The following BFSP2 variants were observed in gnomAD, a reference collection of about 807,000 sequenced individuals.
BFSP2 encodes the protein phakinin.
BFSP2 carries 38 observed loss-of-function variants against 44.9 expected under a neutral mutation model. The ratio of observed to expected loss-of-function variants is 0.85; its 90% CI spans 0.65 to 1.11. The LOEUF (loss-of-function observed/expected upper bound fraction) is 1.11, where lower values mean the gene tolerates loss of function less well. BFSP2 is among the 50% of genes least tolerant of loss of function. The pLI is 0.00. For synonymous variants in BFSP2, 197 were observed against 209.9 expected (o/e 0.94, Z 0.53); for missense variants, 525 against 533.0 (o/e 0.99, Z 0.15).
At chr3:133,430,233 T>C (rs2073698800) in intron 1 of BFSP2, among the ~76,000 whole-genome samples, 1 of 152,098 alleles carries the variant, frequency 6.6e-6, no homozygotes, top group Non-Finnish European at 1.5e-5. Flanking sequence ...CATGTGTCTT[T>C]ATAGCAGCAT....
intron 4 of BFSP2, among the ~76,000 whole-genome samples, chr3:133,464,831 T>C (rs1279012163): frequency 6.6e-6 from 1 of 152,056 alleles, no homozygotes; most frequent in Non-Finnish European, 1.5e-5. Context: ...AGCTGAATGA[T>C]GGCTTAGGGA....
chr3:133,450,018 G>GA (rs1221582944), intron 3 of BFSP2, among the ~76,000 whole-genome samples: 91 of 138,592 alleles, frequency 6.6e-4, no homozygotes, highest in Middle Eastern at 3.6e-3. Context: ...AGGAAGGAAG[G>GA]AGGGAGGGAG....
At chr3:133,473,325 C>T (rs9828692) in intron 6 of BFSP2, among the ~76,000 whole-genome samples, 118,142 of 151,426 alleles carry the variant, frequency 0.78, 46,162 homozygotes, top group Middle Eastern at 0.84. Flanking sequence ...CATACCATGA[C>T]AACATTGGCT....
chr3:133,423,421 G>A (rs2073612596), intron 1 of BFSP2, among the ~76,000 whole-genome samples: 2 of 152,070 alleles, frequency 1.3e-5, no homozygotes, highest in African/African-American at 4.8e-5. Context: ...GTAAGCATTC[G>A]GCAAACTGTG....
At chr3:133,431,430 C>G (rs1040656258) in intron 1 of BFSP2, among the ~76,000 whole-genome samples, 3 of 152,164 alleles carry the variant, frequency 2.0e-5, no homozygotes, top group African/African-American at 7.2e-5. Flanking sequence ...GACCACCAGG[C>G]CAAGGAATGC....
chr3:133,410,405 G>T, intron 1 of BFSP2: 1 of 307,538 alleles, frequency 3.3e-6, no homozygotes, highest in South Asian at 3.2e-5. Flanking sequence ...AAAAATGTCA[G>T]CATGGATCAC....
rs769918976 is a variant in BFSP2 at position 133,400,369 on chromosome 3, G to A, written c.286G>A (p.Val96Met). The A allele has an allele frequency of 1.5e-5, 24 of 1,613,976 alleles. No individual in the cohort carries two copies. Among genetic ancestry groups the A allele is most frequent in the Middle Eastern group, 1.6e-4 (1 of 6,084 alleles). ...CCTGCGGAGCTCAGGCCTGGCCACC[G>A]TGCCGGCTCCAGGTTTGGAGAGGGA... ...QGLRSSGLAT[V>M]PAPGLERDHG... Residue 96 changes from valine (V) to methionine (M), a missense_variant, in exon 1 of 7, where the codon GTG becomes ATG. Val to Met is a conservative substitution (Grantham distance 21). Transcript: ENST00000302334. The surrounding 1 kb of genome is among the most constrained non-coding windows in gnomAD (Gnocchi z 4.0).
chr3:133,413,667 G>A (rs1041941083), intron 1 of BFSP2, among the ~76,000 whole-genome samples: 1 of 152,012 alleles, frequency 6.6e-6, no homozygotes, highest in African/African-American at 2.4e-5. Context: ...GGTTGTAAAC[G>A]AGCTAGTAGA....
At chr3:133,405,245 G>T (rs1043375064) in intron 1 of BFSP2, among the ~76,000 whole-genome samples, 7 of 152,186 alleles carry the variant, frequency 4.6e-5, no homozygotes, top group Admixed American at 1.3e-4. Flanking sequence ...ATTTGTCTAG[G>T]TCTCCATGGG....
chr3:133,472,657 A>G (rs1309379006), intron 6 of BFSP2, 92 bp downstream of exon 6: 2 of 1,483,010 alleles, frequency 1.3e-6, no homozygotes, highest in African/African-American at 1.4e-5. Flanking sequence ...GTATTTAAGA[A>G]GAAATCACCC....
intron 1 of BFSP2, among the ~76,000 whole-genome samples, chr3:133,440,931 T>C (rs1413095040): frequency 6.6e-6 from 1 of 152,158 alleles, no homozygotes; most frequent in Admixed American, 6.5e-5. Flanking sequence ...TCATTCTCCT[T>C]GGACACCCAG....
At chr3:133,422,043 G>A (rs928019477) in intron 1 of BFSP2, among the ~76,000 whole-genome samples, 2 of 140,840 alleles carry the variant, frequency 1.4e-5, no homozygotes, top group African/African-American at 5.4e-5. Context: ...GGAGGCAGAG[G>A]TTGCAGTGAG....
chr3:133,449,698 T>TG (rs1486651275), intron 3 of BFSP2, among the ~76,000 whole-genome samples: 2 of 151,836 alleles, frequency 1.3e-5, no homozygotes, highest in Non-Finnish European at 2.9e-5. Context: ...GGCAACATGG[T>TG]GAAACCCTGT....
intron 1 of BFSP2, among the ~76,000 whole-genome samples, chr3:133,422,919 G>A (rs370093298): frequency 9.8e-5 from 15 of 152,296 alleles, no homozygotes; most frequent in African/African-American, 3.6e-4. Flanking sequence ...AACTTGGACA[G>A]CCCCAGGATT....
chr3:133,415,832 T>TC, intron 1 of BFSP2, among the ~76,000 whole-genome samples: 1 of 43,780 alleles, frequency 2.3e-5, no homozygotes, highest in East Asian at 8.7e-4. Context: ...CCTGCCCTCT[T>TC]CCCTCTACTC....
At chr3:133,443,403 T>C (rs2073864251) in intron 1 of BFSP2, among the ~76,000 whole-genome samples, 1 of 151,878 alleles carries the variant, frequency 6.6e-6, no homozygotes, top group Non-Finnish European at 1.5e-5. Flanking sequence ...AACTTTAACA[T>C]TTAGAGGTCA....
chr3:133,439,043 C>T (rs1350689766), intron 1 of BFSP2, among the ~76,000 whole-genome samples: 1 of 152,246 alleles, frequency 6.6e-6, no homozygotes, highest in South Asian at 2.1e-4. Flanking sequence ...GACTGAGTTT[C>T]CTCATCACAT....
intron 4 of BFSP2, among the ~76,000 whole-genome samples, chr3:133,464,911 T>C (rs1386010950): frequency 6.6e-6 from 1 of 152,168 alleles, no homozygotes; most frequent in Non-Finnish European, 1.5e-5. Flanking sequence ...CTCCAAAGCC[T>C]TTAATGGTCA....
At chr3:133,467,070 T>A in intron 5 of BFSP2, 111 bp downstream of exon 5, 1 of 1,444,512 alleles carries the variant, frequency 6.9e-7, no homozygotes, top group Non-Finnish European at 9.6e-7. Context: ...TCACAGCATA[T>A]GAGTTTTGAG....
Sources: allele counts gnomAD v4.1 joint callset (sites outside exome capture counted in the v4.1 genomes callset), GRCh38; gene constraint gnomAD v4.1.1; non-coding constraint Gnocchi (gnomAD v3.1); transcripts MANE v1.5; gene names NCBI Gene and HGNC (gene_info 2026-07-23, HGNC 2026-07-21).